Variants in PPP3CA observed in about 807,000 individuals in gnomAD.
The protein encoded by PPP3CA is protein phosphatase 3 catalytic subunit alpha, also known as CAM-PRP catalytic subunit.
Under a neutral mutation model 66.5 loss-of-function variants are expected in PPP3CA, and 14 were observed. The observed-to-expected ratio is 0.21, with a 90% CI of 0.14 to 0.33. The LOEUF is 0.33. PPP3CA is among the 10% of genes least tolerant of loss of function. The probability of loss-of-function intolerance (pLI) is 1.00; values close to 1 mark genes in which losing one functional copy is unlikely to be tolerated. For synonymous variants in PPP3CA, 232 were observed against 226.2 expected, an observed-to-expected ratio of 1.03 and a Z score of -0.23; for missense variants, 317 against 639.5, an observed-to-expected ratio of 0.50 and a Z score of 5.44.
chr4:101,245,207 T>C (rs1047863177), intron 1 of PPP3CA, among the ~76,000 whole-genome samples: 3 of 152,162 alleles, frequency 2.0e-5, no homozygotes, highest in Non-Finnish European at 4.4e-5. Context: ...AACTGCTGGA[T>C]AGTCCTACCA....
intron 1 of PPP3CA, among the ~76,000 whole-genome samples, chr4:101,236,034 A>G (rs1726117609): frequency 6.6e-6 from 1 of 150,742 alleles, no homozygotes; most frequent in Non-Finnish European, 1.5e-5. Flanking sequence ...CAAGCTCTGA[A>G]AAAAAAAAAG....
chr4:101,252,021 C>T (rs548871091), intron 1 of PPP3CA, among the ~76,000 whole-genome samples: 5 of 152,208 alleles, frequency 3.3e-5, no homozygotes, highest in South Asian at 2.1e-4. Flanking sequence ...TTGCTGAAAA[C>T]GGGCATACCC....
chr4:101,136,921 A>T (rs2110287781), intron 2 of PPP3CA, among the ~76,000 whole-genome samples: 1 of 152,236 alleles, frequency 6.6e-6, no homozygotes, highest in African/African-American at 2.4e-5. Context: ...AATGCTTATA[A>T]CTCAAAGAGA....
chr4:101,139,120 G>T (rs1201433330), intron 2 of PPP3CA, among the ~76,000 whole-genome samples: 1 of 152,028 alleles, frequency 6.6e-6, no homozygotes, highest in Non-Finnish European at 1.5e-5. Context: ...TGAGGCAGGT[G>T]GATCACAACG....
intron 2 of PPP3CA, among the ~76,000 whole-genome samples, chr4:101,192,585 C>A (rs985637657): frequency 3.9e-5 from 6 of 152,156 alleles, no homozygotes; most frequent in Admixed American, 3.3e-4. Flanking sequence ...ACATAACTAG[C>A]CACTTTACAA....
chr4:101,161,561 A>G (rs1175558295), intron 2 of PPP3CA, among the ~76,000 whole-genome samples: 2 of 152,182 alleles, frequency 1.3e-5, no homozygotes, highest in African/African-American at 4.8e-5. Flanking sequence ...CATTAGCTCT[A>G]GAAGACTGGC....
chr4:101,025,226 T>TA lies in PPP3CA; in HGVS notation c.*638dup, dbSNP rs1726573356. 1 of 152,148 alleles carries TA rather than the reference T, an allele frequency of 6.6e-6. No individual in the cohort carries two copies. The allele number at this position is 152,148 out of a possible 1,614,324, so 9.4% of individuals were successfully genotyped here. A position where few individuals can be genotyped will look rare whatever the true frequency, so the allele number is the denominator to read the frequency against. ...TCAAGCACACTAAAGAAACCTGAGG[T>TA]AAGCATAATCTGTACAAAATTAAAC... is the stretch of plus-strand genomic sequence containing the variant. On this transcript the variant is annotated 3_prime_UTR_variant, in exon 14 of 14. Coordinates refer to ENST00000394854, the MANE Select transcript of PPP3CA (RefSeq NM_000944.5).
intron 2 of PPP3CA, among the ~76,000 whole-genome samples, chr4:101,176,189 A>G (rs180728622): frequency 2.0e-5 from 3 of 152,316 alleles, no homozygotes; most frequent in African/African-American, 7.2e-5. Context: ...AAAGGTCAGT[A>G]GGAAAAGGTC....
chr4:101,210,782 TATTA>T (rs1377133115), intron 1 of PPP3CA, among the ~76,000 whole-genome samples: 1 of 152,182 alleles, frequency 6.6e-6, no homozygotes, highest in African/African-American at 2.4e-5. Context: ...TCGCTGCCAG[TATTA>T]ATTTTTACTC....
At chr4:101,266,072 A>G (rs892756595) in intron 1 of PPP3CA, among the ~76,000 whole-genome samples, 13 of 152,170 alleles carry the variant, frequency 8.5e-5, no homozygotes, top group African/African-American at 1.7e-4. Flanking sequence ...ATACCTCAAC[A>G]GGTTTATTTA....
intron 2 of PPP3CA, among the ~76,000 whole-genome samples, chr4:101,178,580 A>T (rs1162221742): frequency 6.6e-6 from 1 of 152,070 alleles, no homozygotes; most frequent in Non-Finnish European, 1.5e-5. Context: ...ATCAGGATAC[A>T]TATTTTGCTA....
At chr4:101,197,754 C>T (rs774100890) in intron 1 of PPP3CA, among the ~76,000 whole-genome samples, 8 of 151,994 alleles carry the variant, frequency 5.3e-5, no homozygotes, top group Admixed American at 1.3e-4. Context: ...ACTTATTTAG[C>T]CCCCATAACA....
At chr4:101,128,719 A>C (rs1452820670) in intron 2 of PPP3CA, among the ~76,000 whole-genome samples, 1 of 152,028 alleles carries the variant, frequency 6.6e-6, no homozygotes, top group East Asian at 1.9e-4. Context: ...TCCGGCCCAG[A>C]TACTACGCTT....
At chr4:101,047,628 C>T (rs1290034152) in intron 10 of PPP3CA, among the ~76,000 whole-genome samples, 1 of 152,020 alleles carries the variant, frequency 6.6e-6, no homozygotes, top group Non-Finnish European at 1.5e-5. Flanking sequence ...AAAATATATA[C>T]ATGTTTTAAA....
Position 101,298,460 on chromosome 4 carries a change from C to A in PPP3CA, c.58+48279G>T, listed in dbSNP as rs567557013. On this transcript the variant is annotated intron_variant, in intron 1 of 13. Coordinates refer to ENST00000394854, the MANE Select transcript of PPP3CA (RefSeq NM_000944.5). ...ATACAGAGTATGCATGCCTCCCCTGCCACCTCCTCTACCTACTCCTTCTCT... is the reference window on the plus strand; with the variant it reads ...ATACAGAGTATGCATGCCTCCCCTGACACCTCCTCTACCTACTCCTTCTCT... Among the ~76,000 whole-genome samples the A allele has an allele frequency of 9.9e-5, 15 of 151,958 alleles. No individual in the cohort carries two copies. The East Asian group carries it at 2.7e-3, about 27-fold the overall frequency.
intron 2 of PPP3CA, among the ~76,000 whole-genome samples, chr4:101,145,202 G>A (rs1052007508): frequency 1.3e-5 from 2 of 152,126 alleles, no homozygotes; most frequent in South Asian, 2.1e-4. Flanking sequence ...ATGTAAATTA[G>A]TACAACCACT....
At chr4:101,075,901 A>T (rs566576986) in intron 8 of PPP3CA, among the ~76,000 whole-genome samples, 1 of 152,322 alleles carries the variant, frequency 6.6e-6, no homozygotes, top group East Asian at 1.9e-4. Flanking sequence ...TAAGCACACT[A>T]GGTTAAAGAC....
intron 1 of PPP3CA, among the ~76,000 whole-genome samples, chr4:101,344,584 T>A (rs911090927): frequency 6.6e-6 from 1 of 152,198 alleles, no homozygotes; most frequent in African/African-American, 2.4e-5. Context: ...TAAAATTTTT[T>A]AAATTATGGG....
chr4:101,266,607 G>A (rs1727177642), intron 1 of PPP3CA, among the ~76,000 whole-genome samples: 1 of 152,044 alleles, frequency 6.6e-6, no homozygotes, highest in Non-Finnish European at 1.5e-5. Context: ...GAAATATCAA[G>A]GTTGGGATAA....
Sources: allele counts gnomAD v4.1 joint callset (sites outside exome capture counted in the v4.1 genomes callset), GRCh38; gene constraint gnomAD v4.1.1; transcripts MANE v1.5; gene names NCBI Gene and HGNC (gene_info 2026-07-23, HGNC 2026-07-21).